Variants in ARHGEF26 observed in about 807,000 individuals in gnomAD.
The protein encoded by ARHGEF26 is Rho guanine nucleotide exchange factor 26.
Under a neutral mutation model 89.4 loss-of-function variants are expected in ARHGEF26, and 59 were observed. The ratio of observed to expected loss-of-function variants is 0.66; its 90% CI spans 0.54 to 0.82. The LOEUF (loss-of-function observed/expected upper bound fraction) is 0.82. Ranked by LOEUF, ARHGEF26 falls within the 40% of genes least tolerant of loss-of-function variation. The pLI is 0.00. For missense variants in ARHGEF26, 1,234 were observed against 1,085.6 expected (o/e 1.14, Z -1.92); for synonymous variants, 500 against 428.4 (o/e 1.17, Z -2.06).
chr3:154,256,232 A>C lies in ARHGEF26; in HGVS notation c.*759A>C, dbSNP rs1329794282. Reference sequence around the variant, plus strand: ...TGTGAGAAAAACCTGAATATAGGACAGGGGTCCTACTTTTTTCCCCACCTC... The same window carrying C: ...TGTGAGAAAAACCTGAATATAGGACCGGGGTCCTACTTTTTTCCCCACCTC... On this transcript the variant is annotated 3_prime_UTR_variant, in exon 15 of 15. Coordinates refer to ENST00000465093, the MANE Select transcript of ARHGEF26 (RefSeq NM_015595.4). 2 of 985,482 alleles carry C rather than the reference A, an allele frequency of 2.0e-6. No individual in the cohort carries two copies. Among genetic ancestry groups the C allele is most frequent in the East Asian group, 2.3e-4 (2 of 8,820 alleles). 61.0% of individuals were successfully genotyped at this position (985,482 alleles called of 1,614,324 possible).
In ARHGEF26 at chr3:154,141,603, A is replaced by G. The variant is rs565515554; in HGVS notation, c.1270-7786A>G. Among the ~76,000 whole-genome samples the G allele has an allele frequency of 1.4e-4, 22 of 152,320 alleles. 1 individual carries two copies. The highest frequency in any genetic ancestry group is 5.1e-4 in the African/African-American group (21 of 41,580). ...TTTGTCTAGTGTAAATTTATACATC[A>G]TGGAGTGGACATTGTAACCATGGTC... On this transcript the variant is annotated intron_variant, in intron 4 of 14. Transcript: ENST00000465093.
rs1717900408 is a variant in ARHGEF26, at chr3:154,121,448, T to C, written c.-123T>C. 6.6e-6 allele frequency: 1 copy of C among 152,324 alleles called. No homozygotes were observed. Among genetic ancestry groups the C allele is most frequent in the Non-Finnish European group, 1.5e-5 (1 of 68,190 alleles). 9.4% of individuals were successfully genotyped at this position (152,324 alleles called of 1,614,324 possible). A position where few individuals can be genotyped will look rare whatever the true frequency, so the allele number is the denominator to read the frequency against. On this transcript the variant is annotated 5_prime_UTR_variant, in exon 1 of 15. Transcript: ENST00000465093. The stretch of plus-strand genomic sequence containing the variant: ...CTCTCCTAAGCTCTCGCGGCTGCGC[T>C]TCGGTCCCGGACCCGGGCCACCCAC...
At chr3:154,183,048 T>C (rs1395880040) in intron 6 of ARHGEF26, among the ~76,000 whole-genome samples, 1 of 152,252 alleles carries the variant, frequency 6.6e-6, no homozygotes, top group Non-Finnish European at 1.5e-5. Context: ...TGAATCATCT[T>C]GAACCTCCTG....
chr3:154,242,768 C>A (rs774882218), intron 12 of ARHGEF26, among the ~76,000 whole-genome samples: 1 of 151,972 alleles, frequency 6.6e-6, no homozygotes, highest in Admixed American at 6.6e-5. Flanking sequence ...TCTTAAGAAA[C>A]GGCCACAGCC....
chr3:154,147,062 G>A (rs556150825), intron 4 of ARHGEF26, among the ~76,000 whole-genome samples: 1 of 152,298 alleles, frequency 6.6e-6, no homozygotes, highest in Admixed American at 6.5e-5. Flanking sequence ...TGCTTTGGCT[G>A]TCTACATGTT....
intron 6 of ARHGEF26, among the ~76,000 whole-genome samples, chr3:154,177,698 C>G (rs1369400870): frequency 6.6e-6 from 1 of 152,124 alleles, no homozygotes; most frequent in African/African-American, 2.4e-5. Flanking sequence ...ATAACTGGGC[C>G]CTGGGCCTCC....
At chr3:154,174,596 A>G (rs1024351567) in intron 6 of ARHGEF26, among the ~76,000 whole-genome samples, 2 of 152,314 alleles carry the variant, frequency 1.3e-5, no homozygotes, top group South Asian at 2.1e-4. Context: ...AGGAAATACA[A>G]TTATATAACT....
At chr3:154,188,761 C>A (rs2108180457) in intron 7 of ARHGEF26, among the ~76,000 whole-genome samples, 1 of 152,274 alleles carries the variant, frequency 6.6e-6, no homozygotes, top group Non-Finnish European at 1.5e-5. Flanking sequence ...GAGAAATAGT[C>A]AAAGCCTCTA....
At chr3:154,199,459 C>G (rs965174287) in intron 9 of ARHGEF26, among the ~76,000 whole-genome samples, 2 of 152,110 alleles carry the variant, frequency 1.3e-5, no homozygotes, top group African/African-American at 4.8e-5. Flanking sequence ...TTCATTCTTT[C>G]ATCTACTGAT....
chr3:154,235,940 T>G (rs1313032685), intron 11 of ARHGEF26, among the ~76,000 whole-genome samples: 1 of 152,216 alleles, frequency 6.6e-6, no homozygotes, highest in African/African-American at 2.4e-5. Context: ...GTATGCAAAT[T>G]TTTAAATGTC....
intron 6 of ARHGEF26, among the ~76,000 whole-genome samples, chr3:154,185,883 C>T (rs1713494039): frequency 6.6e-6 from 1 of 152,040 alleles, no homozygotes. Flanking sequence ...CTGGAGATTC[C>T]AGGTATTTCA....
intron 6 of ARHGEF26, chr3:154,187,247 A>G (rs1713627326): frequency 1.0e-6 from 1 of 974,286 alleles, no homozygotes; most frequent in South Asian, 4.8e-5. Context: ...ATTTTTCCAT[A>G]CAATAAAATA....
intron 4 of ARHGEF26, among the ~76,000 whole-genome samples, chr3:154,145,970 A>G (rs1485418299): frequency 6.6e-6 from 1 of 152,182 alleles, no homozygotes; most frequent in Non-Finnish European, 1.5e-5. Context: ...GATGAGTGTA[A>G]TAATGGACTC....
chr3:154,173,479 AT>A (rs1712594127), intron 6 of ARHGEF26, among the ~76,000 whole-genome samples: 1 of 152,200 alleles, frequency 6.6e-6, no homozygotes, highest in Admixed American at 6.5e-5. Context: ...AGTATCAATT[AT>A]TGCAATTTGC....
rs571150583 is a variant in ARHGEF26 at position 154,147,096 on chromosome 3, G to T, written c.1270-2293G>T. Among the ~76,000 whole-genome samples, 45 of 152,288 alleles carry T rather than the reference G, an allele frequency of 3.0e-4. 1 individual carries two copies. Among genetic ancestry groups the T allele is most frequent in the African/African-American group, 1.1e-3 (45 of 41,554 alleles). ...TTCCCATTTGTACCCAGCTGAAGCT[G>T]GTATGAAATGTATATTTTAAAAATG... On this transcript the variant is annotated intron_variant, in intron 4 of 14. Transcript: ENST00000465093.
At chr3:154,185,089 A>T (rs1713439324) in intron 6 of ARHGEF26, among the ~76,000 whole-genome samples, 1 of 151,960 alleles carries the variant, frequency 6.6e-6, no homozygotes, top group Non-Finnish European at 1.5e-5. Context: ...AAGAGTGGTC[A>T]CTCTGCCCTC....
chr3:154,121,615 G>C (rs1717921325), intron 1 of ARHGEF26, 96 bp downstream of exon 1: 2 of 214,124 alleles, frequency 9.3e-6, no homozygotes, highest in South Asian at 1.6e-4. Flanking sequence ...CCCGCGGCGA[G>C]TTTCCCAAGA....
At position 154,187,707 on chromosome 3, in the gene ARHGEF26, A is replaced by G; in HGVS notation, c.1510A>G (p.Arg504Gly). ...SKKFFIELEA[R>G]HQNNIFIDDI... Reference sequence around the variant, plus strand: ...CAGGTTCTTTATAGAGTTGGAAGCAAGACATCAGAATAATATCTTCATAGA... The same window carrying G: ...CAGGTTCTTTATAGAGTTGGAAGCAGGACATCAGAATAATATCTTCATAGA... The change falls in exon 7 of 15, where the codon AGA (arginine) becomes GGA (glycine). Residue 504 changes from arginine (R) to glycine (G), a missense_variant. Coordinates refer to ENST00000465093, the MANE Select transcript of ARHGEF26 (RefSeq NM_015595.4). 1 of 1,608,358 alleles carries G rather than the reference A, an allele frequency of 6.2e-7. No individual in the cohort carries two copies. Among genetic ancestry groups the G allele is most frequent in the Non-Finnish European group, 8.5e-7 (1 of 1,177,238 alleles).
rs550657486 is a variant in ARHGEF26, at chr3:154,159,435, A to T, written c.1487+6503A>T. The stretch of plus-strand genomic sequence containing the variant: ...CTGAGGAACTGAATTTGTTCCCAAC[A>T]TATAATGAGCAGTGAATGCCAAATT... On this transcript the variant is annotated intron_variant, in intron 6 of 14. Transcript: ENST00000465093. 1.9e-3 allele frequency among the ~76,000 whole-genome samples: 294 copies of T among 152,260 alleles called. 2 individuals are homozygous for T. Among genetic ancestry groups the T allele is most frequent in the South Asian group, 3.5e-3 (17 of 4,828 alleles).
Sources: gnomAD v4.1 joint callset for allele counts (sites outside exome capture counted in the v4.1 genomes callset) on GRCh38, gnomAD v4.1.1 for gene constraint, MANE v1.5 for transcripts, NCBI Gene and HGNC (gene_info 2026-07-23, HGNC 2026-07-21) for gene names.